Variants in HHAT observed in about 807,000 individuals in gnomAD.
The protein encoded by HHAT is protein-cysteine N-palmitoyltransferase HHAT.
Under a neutral mutation model 70.8 loss-of-function variants are expected in HHAT, and 47 were observed. That is an observed-to-expected ratio of 0.66 (90% confidence interval 0.53 to 0.85). HHAT has a LOEUF of 0.85. Among genes scored for constraint, HHAT ranks in the 40% least tolerant of loss-of-function variants. The pLI is 0.00. For synonymous variants in HHAT, 228 were observed against 247.6 expected, an observed-to-expected ratio of 0.92 and a Z score of 0.74; for missense variants, 609 against 604.8, an observed-to-expected ratio of 1.01 and a Z score of -0.07.
chr1:210,441,683 G>C (rs1251997345), intron 7 of HHAT, among the ~76,000 whole-genome samples: 2 of 152,096 alleles, frequency 1.3e-5, no homozygotes, highest in African/African-American at 4.8e-5. Context: ...GAAATGATTG[G>C]TAGTTGGAAA....
intron 9 of HHAT, among the ~76,000 whole-genome samples, chr1:210,578,987 A>G (rs747851043): frequency 7.2e-5 from 11 of 152,196 alleles, no homozygotes; most frequent in Non-Finnish European, 1.3e-4. Context: ...ATGGAAAACA[A>G]TGAGATCATG....
At chr1:210,566,228 G>A (rs1040517338) in intron 9 of HHAT, among the ~76,000 whole-genome samples, 8 of 152,164 alleles carry the variant, frequency 5.3e-5, no homozygotes, top group African/African-American at 1.9e-4. Flanking sequence ...TAGAGGCTCA[G>A]TAGATATTAA....
intron 1 of HHAT, among the ~76,000 whole-genome samples, chr1:210,337,465 C>G (rs1264276501): frequency 1.3e-5 from 2 of 152,098 alleles, no homozygotes; most frequent in East Asian, 3.9e-4. Flanking sequence ...GTCAGAAGTC[C>G]AAAATGGGTC....
chr1:210,344,117 T>C (rs929412838), intron 1 of HHAT, among the ~76,000 whole-genome samples: 2 of 152,138 alleles, frequency 1.3e-5, no homozygotes, highest in Non-Finnish European at 2.9e-5. Context: ...AATGTATCAC[T>C]GTGCTGTCAA....
rs751594048 is a variant in HHAT at position 210,547,983 on chromosome 1, A to G, written c.1043+34795A>G. Reference sequence around the variant, plus strand: ...ATGTAGGGTGGGTATAAACAACTGTATAATAAGGTGGTGTTTATAGGAAAC... The same window carrying G: ...ATGTAGGGTGGGTATAAACAACTGTGTAATAAGGTGGTGTTTATAGGAAAC... On this transcript the variant is annotated intron_variant, in intron 9 of 11. Transcript: ENST00000261458. Among the ~76,000 whole-genome samples the G allele has an allele frequency of 3.5e-4, 53 of 152,230 alleles. 2 individuals are homozygous for G. Among genetic ancestry groups the G allele is most frequent in the Admixed American group, 3.3e-4 (5 of 15,290 alleles).
At chr1:210,402,294 T>C (rs981262546) in intron 5 of HHAT, among the ~76,000 whole-genome samples, 10 of 152,230 alleles carry the variant, frequency 6.6e-5, no homozygotes, top group African/African-American at 2.4e-4. Context: ...AGGGGTCATA[T>C]GCCCAGGGCA....
chr1:210,549,920 A>C (rs961241853), intron 9 of HHAT, among the ~76,000 whole-genome samples: 1 of 148,876 alleles, frequency 6.7e-6, no homozygotes, highest in Non-Finnish European at 1.5e-5. Flanking sequence ...TGCCTTTCTA[A>C]AAAAACAGAG....
intron 2 of HHAT, among the ~76,000 whole-genome samples, chr1:210,357,962 T>C (rs932192722): frequency 2.6e-5 from 4 of 152,012 alleles, no homozygotes; most frequent in African/African-American, 9.7e-5. Flanking sequence ...GCCTCAGTCA[T>C]GAACCTAAGA....
In HHAT at chr1:210,477,581, A is replaced by T. The variant is rs146770270; in HGVS notation, c.1007+12926A>T. On this transcript the variant is annotated intron_variant, in intron 8 of 11. Transcript: ENST00000261458. ...ACCTACCAGACTTCTGGAAAGCATC[A>T]TCAGGGGCATGGCCTTACTGTTGAA... Among the ~76,000 whole-genome samples, 880 of 152,328 alleles carry T rather than the reference A, an allele frequency of 5.8e-3. 6 individuals carry two copies. Among genetic ancestry groups the T allele is most frequent in the African/African-American group, 0.02 (834 of 41,570 alleles).
At position 210,657,685 on chromosome 1, in the gene HHAT, G is replaced by C. The variant is rs116481620; in HGVS notation, c.1391-16603G>C. On this transcript the variant is annotated intron_variant, in intron 11 of 11. Transcript: ENST00000261458. ...CCTTTGAGATGTTCACGTAGTTTAGGCATCACTCTCTTTCCTTTCCCTTTC... is the reference window on the plus strand; with the variant it reads ...CCTTTGAGATGTTCACGTAGTTTAGCCATCACTCTCTTTCCTTTCCCTTTC... Among the ~76,000 whole-genome samples, 1,381 of 152,296 alleles carry C rather than the reference G, an allele frequency of 9.1e-3. 22 individuals carry two copies. The highest frequency in any genetic ancestry group is 0.032 in the African/African-American group (1,328 of 41,560).
intron 6 of HHAT, among the ~76,000 whole-genome samples, chr1:210,409,985 G>A (rs993295533): frequency 3.9e-5 from 6 of 152,022 alleles, no homozygotes; most frequent in East Asian, 1.9e-4. Context: ...CAAGAGAGCC[G>A]CCCTGCACAT....
chr1:210,557,272 G>A (rs1038431391), intron 9 of HHAT, among the ~76,000 whole-genome samples: 14 of 152,198 alleles, frequency 9.2e-5, no homozygotes, highest in African/African-American at 3.1e-4. Flanking sequence ...GTGAGTGGAG[G>A]ACCCATAATA....
At chr1:210,620,309 GC>G (rs893003278) in intron 10 of HHAT, among the ~76,000 whole-genome samples, 2 of 152,144 alleles carry the variant, frequency 1.3e-5, no homozygotes, top group Non-Finnish European at 2.9e-5. Context: ...CAGTAGCTGA[GC>G]CAGGAGGTTC....
intron 10 of HHAT, among the ~76,000 whole-genome samples, chr1:210,605,567 A>G (rs1417787838): frequency 6.6e-6 from 1 of 152,246 alleles, no homozygotes; most frequent in East Asian, 1.9e-4. Context: ...AAGGAATTTT[A>G]CCACATTATC....
At chr1:210,375,137 CAT>C (rs35851980) in intron 3 of HHAT, among the ~76,000 whole-genome samples, 56,827 of 151,844 alleles carry the variant, frequency 0.37, 11,738 homozygotes, top group African/African-American at 0.56. Context: ...GGTTTTATCA[CAT>C]GTGTAGATTC....
intron 4 of HHAT, among the ~76,000 whole-genome samples, chr1:210,389,609 G>A (rs571323897): frequency 7.9e-5 from 12 of 152,308 alleles, no homozygotes; most frequent in African/African-American, 2.6e-4. Context: ...TCTCTCTTCT[G>A]CTCTGCCACG....
intron 6 of HHAT, among the ~76,000 whole-genome samples, chr1:210,411,596 T>G (rs1251893304): frequency 6.6e-6 from 1 of 150,762 alleles, no homozygotes; most frequent in African/African-American, 2.4e-5. Flanking sequence ...CTACAAAAAA[T>G]AAAAAAAAAT....
rs185130634 is a variant in HHAT, at chr1:210,638,830, G to A, written c.1390+15160G>A. ...TGAGGTGGGAGGATTGCTTGAGCCC[G>A]GGAGGCCAAGGTTGCAGTGAGCTAT... is the stretch of plus-strand genomic sequence containing the variant. On this transcript the variant is annotated intron_variant, in intron 11 of 11. Transcript: ENST00000261458. Among the ~76,000 whole-genome samples, 226 of 151,930 alleles carry A rather than the reference G, an allele frequency of 1.5e-3. 3 individuals are homozygous for A. The highest frequency in any genetic ancestry group is 5.0e-3 in the African/African-American group (206 of 41,416).
chr1:210,642,159 A>G (rs536837505), intron 11 of HHAT, among the ~76,000 whole-genome samples: 1 of 152,252 alleles, frequency 6.6e-6, no homozygotes, highest in African/African-American at 2.4e-5. Flanking sequence ...AGCAGAAGGG[A>G]CTGTATTTCT....
Sources: gnomAD v4.1 joint callset for allele counts (sites outside exome capture counted in the v4.1 genomes callset) on GRCh38, gnomAD v4.1.1 for gene constraint, MANE v1.5 for transcripts, NCBI Gene and HGNC (gene_info 2026-07-23, HGNC 2026-07-21) for gene names.